The following DOCK4 variants were observed in gnomAD, a reference collection of about 807,000 sequenced individuals.
DOCK4 encodes the protein dedicator of cytokinesis 4.
In DOCK4, 97 loss-of-function variants were observed where a neutral mutation model predicts 268.1. The ratio of observed to expected loss-of-function variants is 0.36; its 90% CI spans 0.31 to 0.43. DOCK4 has a LOEUF of 0.43. DOCK4 is among the 20% of genes least tolerant of loss of function. The probability of loss-of-function intolerance (pLI) is 1.00; values close to 1 mark genes in which losing one functional copy is unlikely to be tolerated. For missense variants in DOCK4, 2,145 were observed against 2,455.7 expected (o/e 0.87, Z 2.67); for synonymous variants, 954 against 887.2 (o/e 1.08, Z -1.34).
intron 1 of DOCK4, among the ~76,000 whole-genome samples, chr7:112,104,334 G>A (rs1810949503): frequency 6.6e-6 from 1 of 152,092 alleles, no homozygotes; most frequent in African/African-American, 2.4e-5. Flanking sequence ...TTACTTTTAA[G>A]TACATCACTG....
At chr7:111,774,433 C>T (rs1490025019) in intron 36 of DOCK4, among the ~76,000 whole-genome samples, 1 of 151,962 alleles carries the variant, frequency 6.6e-6, no homozygotes, top group Admixed American at 6.6e-5. Flanking sequence ...CACCACTGCA[C>T]TCCAGCCTGG....
intron 26 of DOCK4, among the ~76,000 whole-genome samples, chr7:111,828,390 A>G (rs1197905775): frequency 6.6e-6 from 1 of 152,192 alleles, no homozygotes; most frequent in African/African-American, 2.4e-5. Flanking sequence ...CTCTTCAGGC[A>G]TGAATGGAGT....
At chr7:111,940,372 G>A (rs547378644) in intron 10 of DOCK4, 130 bp from the exon 11 acceptor site, 91 of 1,194,878 alleles carry the variant, frequency 7.6e-5, no homozygotes, top group Middle Eastern at 2.1e-4. Context: ...CAGGTTGGGC[G>A]TAACAGAAGA....
At chr7:111,901,295 C>T (rs1263548974) in intron 14 of DOCK4, among the ~76,000 whole-genome samples, 1 of 135,418 alleles carries the variant, frequency 7.4e-6, no homozygotes, top group Non-Finnish European at 1.5e-5. Context: ...GATCATACTA[C>T]TGCACTCCAG....
At chr7:112,063,272 A>C (rs909638005) in intron 1 of DOCK4, among the ~76,000 whole-genome samples, 2 of 152,220 alleles carry the variant, frequency 1.3e-5, no homozygotes, top group African/African-American at 4.8e-5. Flanking sequence ...GCTATACACC[A>C]GTCTGTAATT....
chr7:111,997,955 TCAAA>T (rs529092331), intron 4 of DOCK4, among the ~76,000 whole-genome samples: 6 of 152,302 alleles, frequency 3.9e-5, no homozygotes, highest in South Asian at 2.1e-4. Flanking sequence ...ATGAGCTCAA[TCAAA>T]CAAAGTATCA....
At chr7:112,107,095 T>C (rs938265812) in intron 1 of DOCK4, among the ~76,000 whole-genome samples, 46 of 152,226 alleles carry the variant, frequency 3.0e-4, no homozygotes, top group Non-Finnish European at 6.0e-4. Flanking sequence ...TGTATGGGCA[T>C]TATATTAAGA....
chr7:111,798,140 A>C (rs1180423383), intron 30 of DOCK4, among the ~76,000 whole-genome samples: 1 of 152,176 alleles, frequency 6.6e-6, no homozygotes, highest in East Asian at 1.9e-4. Flanking sequence ...TTTAAAAAGG[A>C]AGGCCCAGGC....
rs759310501 is a variant in DOCK4 at position 111,989,134 on chromosome 7, C to T, written c.345G>A (p.Leu115=). 8.1e-6 allele frequency: 13 copies of T among 1,614,024 alleles called. No individual in the cohort carries two copies. Among genetic ancestry groups the T allele is most frequent in the Non-Finnish European group, 9.3e-6 (11 of 1,179,888 alleles). ...VRNEGDLFHR[L]WHIMNEILDL... The stretch of plus-strand genomic sequence containing the variant: ...CCAGGATTTCATTCATGATGTGCCA[C>T]AGCCGGTGGAAGAGATCGCCTTCAT... Residue 115 remains leucine, a synonymous_variant, in exon 6 of 53, where the codon CTG becomes CTA. Transcript: ENST00000428084.
chr7:111,985,396 A>T (rs1798974841), intron 6 of DOCK4, among the ~76,000 whole-genome samples: 2 of 152,258 alleles, frequency 1.3e-5, no homozygotes, highest in South Asian at 2.1e-4. Flanking sequence ...TCCTTTTCAC[A>T]TCACCACTCT....
At chr7:111,988,926 C>A in intron 6 of DOCK4, 89 bp downstream of exon 6, 2 of 1,497,962 alleles carry the variant, frequency 1.3e-6, no homozygotes, top group Admixed American at 2.1e-5. Flanking sequence ...AGGATTGCTT[C>A]CAGTGACATT....
At chr7:112,186,494 T>C (rs1031563872) in intron 1 of DOCK4, among the ~76,000 whole-genome samples, 4 of 152,228 alleles carry the variant, frequency 2.6e-5, no homozygotes, top group Admixed American at 1.3e-4. Context: ...CATCATGTAG[T>C]TGTCATGAGC....
intron 47 of DOCK4, chr7:111,740,024 A>T (rs565938660): frequency 8.9e-5 from 30 of 335,398 alleles, no homozygotes; most frequent in African/African-American, 4.5e-4. Context: ...TTTCTTGTAT[A>T]AAAAAAATAC....
intron 1 of DOCK4, among the ~76,000 whole-genome samples, chr7:112,042,655 C>A (rs979671878): frequency 6.6e-6 from 1 of 152,228 alleles, no homozygotes; most frequent in African/African-American, 2.4e-5. Context: ...CATGACCAAT[C>A]ATCTTGGGAT....
Position 112,047,095 on chromosome 7 carries a change from A to G in DOCK4, c.38-42964T>C, listed in dbSNP as rs185564083. ...TGAAATTCACATGGGGCCTGTTCCC[A>G]TTAGTCAGACTAGAAAACCTCCTAA... On this transcript the variant is annotated intron_variant, in intron 1 of 52. Transcript: ENST00000428084. Among the ~76,000 whole-genome samples, 365 of 152,354 alleles carry G rather than the reference A, an allele frequency of 2.4e-3. 3 individuals are homozygous for G. In the Middle Eastern group the frequency reaches 0.027, roughly 11 times the overall value.
At chr7:112,027,732 G>C (rs189597690) in intron 1 of DOCK4, among the ~76,000 whole-genome samples, 179 of 152,276 alleles carry the variant, frequency 1.2e-3, no homozygotes, top group Non-Finnish European at 2.0e-3. Flanking sequence ...CAAGGCACAG[G>C]CTCAGAAAAT....
intron 1 of DOCK4, among the ~76,000 whole-genome samples, chr7:112,044,586 G>C (rs985958143): frequency 2.0e-5 from 3 of 152,008 alleles, no homozygotes; most frequent in African/African-American, 7.3e-5. Context: ...TGTCTAACAT[G>C]TCCTTCAAAC....
chr7:111,781,432 A>G (rs950838725), intron 35 of DOCK4, among the ~76,000 whole-genome samples: 1 of 152,216 alleles, frequency 6.6e-6, no homozygotes, highest in African/African-American at 2.4e-5. Flanking sequence ...AAGAGAGGGA[A>G]TGACTATGTT....
At chr7:112,202,811 C>G (rs1821063567) in intron 1 of DOCK4, among the ~76,000 whole-genome samples, 1 of 151,340 alleles carries the variant, frequency 6.6e-6, no homozygotes, top group African/African-American at 2.4e-5. Flanking sequence ...TATTATTTGT[C>G]AAGGAAAATA....
Sources: gnomAD v4.1 joint callset for allele counts (sites outside exome capture counted in the v4.1 genomes callset) on GRCh38, gnomAD v4.1.1 for gene constraint, MANE v1.5 for transcripts, NCBI Gene and HGNC (gene_info 2026-07-23, HGNC 2026-07-21) for gene names.